Variants in AGBL1 observed in about 807,000 individuals in gnomAD.
The protein encoded by AGBL1 is cytosolic carboxypeptidase 4.
AGBL1 carries 130 observed loss-of-function variants against 118.9 expected under a neutral mutation model. That is an observed-to-expected ratio of 1.09 (90% CI 0.95 to 1.26). The LOEUF is 1.26. AGBL1 is among the 50% of genes most tolerant of loss of function. The pLI is 0.00. For synonymous variants in AGBL1, 555 were observed against 478.9 expected (o/e 1.16, Z -2.08); for missense variants, 1,584 against 1,298.1 (o/e 1.22, Z -3.38).
chr15:86,102,823 A>G (rs1896816373), intron 1 of AGBL1, among the ~76,000 whole-genome samples: 1 of 152,226 alleles, frequency 6.6e-6, no homozygotes, highest in African/African-American at 2.4e-5. Context: ...CTGGATGTCT[A>G]AAACTCTAAC....
At chr15:86,319,979 A>G (rs1597726530) in intron 17 of AGBL1, among the ~76,000 whole-genome samples, 1 of 147,702 alleles carries the variant, frequency 6.8e-6, no homozygotes, top group African/African-American at 2.5e-5. Flanking sequence ...CTGGTCTCAA[A>G]CTCCTGACCT....
chr15:87,015,971 G>A (rs1198172716), intron 24 of AGBL1, among the ~76,000 whole-genome samples: 2 of 152,130 alleles, frequency 1.3e-5, no homozygotes, highest in African/African-American at 4.8e-5. Context: ...GCTGTTTTAA[G>A]CAATCTGAAG....
intron 17 of AGBL1, among the ~76,000 whole-genome samples, chr15:86,328,774 C>T (rs1227611070): frequency 6.6e-6 from 1 of 152,156 alleles, no homozygotes; most frequent in Non-Finnish European, 1.5e-5. Context: ...TTCTCCCAAG[C>T]CCTAGAGCTA....
At chr15:86,189,699 G>A (rs986624747) in intron 5 of AGBL1, among the ~76,000 whole-genome samples, 1 of 152,146 alleles carries the variant, frequency 6.6e-6, no homozygotes, top group Non-Finnish European at 1.5e-5. Flanking sequence ...ATGAGAGGAA[G>A]CTTCTGGAAG....
In AGBL1 at chr15:86,211,332, G is replaced by A. The variant is rs150592650; in HGVS notation, c.489-13582G>A. Among the ~76,000 whole-genome samples, 120 of 152,320 alleles carry A rather than the reference G, an allele frequency of 7.9e-4. 2 individuals are homozygous for A. The highest frequency in any genetic ancestry group is 3.4e-3 in the Middle Eastern group (1 of 294). ...AGGAGGCAGTTTGTCCATTCTCAGA[G>A]CTCAAACACTGTTCTGGAAGAACCA... is the stretch of plus-strand genomic sequence containing the variant. On this transcript the variant is annotated intron_variant, in intron 5 of 22. Transcript: ENST00000614907.
chr15:86,467,333 T>G (rs1370728911), intron 18 of AGBL1, among the ~76,000 whole-genome samples: 1 of 152,174 alleles, frequency 6.6e-6, no homozygotes, highest in East Asian at 1.9e-4. Context: ...CCACCAAGCT[T>G]GATCATCCAA....
At chr15:86,308,833 A>G (rs1459157498) in intron 17 of AGBL1, among the ~76,000 whole-genome samples, 1 of 152,202 alleles carries the variant, frequency 6.6e-6, no homozygotes, top group Non-Finnish European at 1.5e-5. Flanking sequence ...GCTTTGTAGT[A>G]TATTTTAAAA....
intron 22 of AGBL1, among the ~76,000 whole-genome samples, chr15:86,813,798 C>T (rs2078824111): frequency 6.6e-6 from 1 of 152,208 alleles, no homozygotes; most frequent in African/African-American, 2.4e-5. Context: ...GAATGAGCTC[C>T]AGTTTTGGAG....
At chr15:86,450,860 T>G (rs1403867768) in intron 18 of AGBL1, among the ~76,000 whole-genome samples, 1 of 152,184 alleles carries the variant, frequency 6.6e-6, no homozygotes, top group African/African-American at 2.4e-5. Context: ...ATTAATAATA[T>G]TTTATTTATC....
intron 21 of AGBL1, chr15:86,556,125 A>G: frequency 1.0e-6 from 1 of 978,236 alleles, no homozygotes; most frequent in East Asian, 2.6e-5. Context: ...TATCAGTGCC[A>G]TTCACAATAA....
At chr15:86,746,013 A>T (rs569901974) in intron 22 of AGBL1, among the ~76,000 whole-genome samples, 20 of 152,128 alleles carry the variant, frequency 1.3e-4, no homozygotes, top group Non-Finnish European at 2.4e-4. Context: ...GCAGTGCAGG[A>T]TAGTGACCCA....
At chr15:86,591,875 ACCAGCT>A (rs2084341829) in intron 21 of AGBL1, among the ~76,000 whole-genome samples, 1 of 152,166 alleles carries the variant, frequency 6.6e-6, no homozygotes, top group Non-Finnish European at 1.5e-5. Context: ...CTTTCGGGTG[ACCAGCT>A]GCCATCCTGA....
chr15:86,484,924 A>C (rs111375219), intron 18 of AGBL1, among the ~76,000 whole-genome samples: 5 of 152,262 alleles, frequency 3.3e-5, no homozygotes, highest in African/African-American at 1.2e-4. Context: ...CCTTTTCTAC[A>C]TGCCCCACTT....
At chr15:86,889,864 A>G (rs2080025937) in intron 22 of AGBL1, among the ~76,000 whole-genome samples, 1 of 152,206 alleles carries the variant, frequency 6.6e-6, no homozygotes, top group African/African-American at 2.4e-5. Flanking sequence ...ATACATATGC[A>G]TGTATCTTTG....
intron 21 of AGBL1, among the ~76,000 whole-genome samples, chr15:86,643,775 GTATT>G (rs1352864725): frequency 6.6e-6 from 1 of 152,078 alleles, no homozygotes; most frequent in East Asian, 1.9e-4. Flanking sequence ...TAATGACAAA[GTATT>G]TAAGGATTTT....
At chr15:86,553,450 CAG>C (rs1208491306) in intron 20 of AGBL1, among the ~76,000 whole-genome samples, 1 of 152,036 alleles carries the variant, frequency 6.6e-6, no homozygotes, top group Admixed American at 6.6e-5. Flanking sequence ...CATATGAACC[CAG>C]AGAGGATGGA....
chr15:86,383,556 C>T (rs1466229118), intron 17 of AGBL1, among the ~76,000 whole-genome samples: 1 of 152,104 alleles, frequency 6.6e-6, no homozygotes. Context: ...CACGGTATGC[C>T]AGCCTGGGCA....
rs77634641 is a variant in AGBL1 at position 86,508,527 on chromosome 15, T to G, written c.2556-14283T>G. On this transcript the variant is annotated intron_variant, in intron 18 of 22. Transcript: ENST00000614907. Reference sequence around the variant, plus strand: ...TGACTATGAACAGTTACATAAACCTTGTGAATTGCAGTTTCTTCAAATATA... The same window carrying G: ...TGACTATGAACAGTTACATAAACCTGGTGAATTGCAGTTTCTTCAAATATA... Among the ~76,000 whole-genome samples the G allele has an allele frequency of 5.9e-3, 898 of 151,544 alleles. 12 individuals carry two copies. Among genetic ancestry groups the G allele is most frequent in the African/African-American group, 0.02 (815 of 41,422 alleles).
chr15:86,867,123 C>T (rs902713430), intron 22 of AGBL1, among the ~76,000 whole-genome samples: 1 of 152,042 alleles, frequency 6.6e-6, no homozygotes, highest in Admixed American at 6.5e-5. Context: ...AACACACTTG[C>T]ATCTCATGCT....
Sources: allele counts gnomAD v4.1 joint callset (sites outside exome capture counted in the v4.1 genomes callset), GRCh38; gene constraint gnomAD v4.1.1; transcripts MANE v1.5; gene names NCBI Gene and HGNC (gene_info 2026-07-23, HGNC 2026-07-21).